The following DCLK2 variants were observed in gnomAD, a reference collection of about 807,000 sequenced individuals.
The protein encoded by DCLK2 is doublecortin like kinase 2.
Under a neutral mutation model 78.4 loss-of-function variants are expected in DCLK2, and 31 were observed. That is an observed-to-expected ratio of 0.40 (90% CI 0.30 to 0.53). The LOEUF (loss-of-function observed/expected upper bound fraction) is 0.53. DCLK2 is among the 20% of genes least tolerant of loss of function. The pLI is 0.61. For missense variants in DCLK2, 872 were observed against 973.7 expected, an observed-to-expected ratio of 0.90 and a Z score of 1.39; for synonymous variants, 407 against 374.9, an observed-to-expected ratio of 1.09 and a Z score of -0.99.
chr4:150,219,258 CT>C (rs375592229), intron 5 of DCLK2, among the ~76,000 whole-genome samples: 2,172 of 72,120 alleles, frequency 0.03, 22 homozygotes, highest in African/African-American at 0.055. Context: ...CACAAACATT[CT>C]TTTTTTTTTT....
chr4:150,117,383 A>G (rs1732171772), intron 2 of DCLK2, among the ~76,000 whole-genome samples: 1 of 152,156 alleles, frequency 6.6e-6, no homozygotes, highest in African/African-American at 2.4e-5. Context: ...CCTTGAGGAG[A>G]AGGAAACCAG....
intron 15 of DCLK2, among the ~76,000 whole-genome samples, chr4:150,254,196 GC>G (rs1189310290): frequency 2.6e-5 from 4 of 152,240 alleles, no homozygotes; most frequent in African/African-American, 9.6e-5. Flanking sequence ...CTCGGCGCCT[GC>G]GGTGCAGACT....
intron 2 of DCLK2, among the ~76,000 whole-genome samples, chr4:150,144,159 G>A (rs72730365): frequency 0.099 from 15,040 of 152,106 alleles, 1,283 homozygotes; most frequent in South Asian, 0.39. Flanking sequence ...TCAAGCCTAG[G>A]CCAATGTCCA....
intron 5 of DCLK2, among the ~76,000 whole-genome samples, chr4:150,214,943 CAG>C (rs1479046640): frequency 8.3e-6 from 1 of 120,748 alleles, no homozygotes; most frequent in East Asian, 2.4e-4. Flanking sequence ...CCCTGGGTGA[CAG>C]AGTGTCTCAA....
At chr4:150,117,524 A>T (rs755722507) in intron 2 of DCLK2, among the ~76,000 whole-genome samples, 1 of 152,094 alleles carries the variant, frequency 6.6e-6, no homozygotes, top group Non-Finnish European at 1.5e-5. Context: ...CCTTAAGATT[A>T]TATCGCAGAT....
intron 10 of DCLK2, among the ~76,000 whole-genome samples, chr4:150,234,902 A>G (rs1277560827): frequency 6.6e-6 from 1 of 152,178 alleles, no homozygotes; most frequent in African/African-American, 2.4e-5. Context: ...ACCTTGCAGC[A>G]TGCCAGGCTC....
chr4:150,175,860 C>G (rs963456501), intron 2 of DCLK2, among the ~76,000 whole-genome samples: 1 of 152,170 alleles, frequency 6.6e-6, no homozygotes, highest in Non-Finnish European at 1.5e-5. Flanking sequence ...CCTCTCTCCC[C>G]TCTCTGTACC....
chr4:150,220,327 TC>T (rs1444769616), intron 5 of DCLK2, among the ~76,000 whole-genome samples: 3 of 152,192 alleles, frequency 2.0e-5, no homozygotes, highest in African/African-American at 7.2e-5. Flanking sequence ...ATGATTAAAC[TC>T]CTAGGAGTCA....
At chr4:150,114,028 T>G (rs1731886586) in intron 2 of DCLK2, among the ~76,000 whole-genome samples, 1 of 152,224 alleles carries the variant, frequency 6.6e-6, no homozygotes, top group Non-Finnish European at 1.5e-5. Context: ...GAAGATTGTT[T>G]AATTTCTGTG....
chr4:150,087,514 A>G (rs1729731873), intron 1 of DCLK2, among the ~76,000 whole-genome samples: 1 of 152,210 alleles, frequency 6.6e-6, no homozygotes, highest in African/African-American at 2.4e-5. Flanking sequence ...AAGGCACGCA[A>G]ATTTATTTAA....
chr4:150,157,867 G>A (rs1000599575), intron 2 of DCLK2, among the ~76,000 whole-genome samples: 1 of 152,074 alleles, frequency 6.6e-6, no homozygotes, highest in Non-Finnish European at 1.5e-5. Flanking sequence ...GAGCTCAAGT[G>A]ATCTGCCTGC....
chr4:150,137,086 A>T (rs1233083320), intron 2 of DCLK2, among the ~76,000 whole-genome samples: 2 of 141,072 alleles, frequency 1.4e-5, no homozygotes, highest in African/African-American at 5.4e-5. Context: ...GGCTCAAGGG[A>T]TCCTCCCACC....
intron 15 of DCLK2, among the ~76,000 whole-genome samples, chr4:150,250,890 C>CA (rs1484888575): frequency 7.2e-5 from 5 of 69,894 alleles, no homozygotes; most frequent in Non-Finnish European, 1.4e-4. Flanking sequence ...ACTCCCCACA[C>CA]CCCCCACACC....
chr4:150,240,067 G>A (rs1742802791), intron 11 of DCLK2, among the ~76,000 whole-genome samples, 192 bp downstream of exon 11: 1 of 108,912 alleles, frequency 9.2e-6, no homozygotes, highest in South Asian at 3.8e-4. Flanking sequence ...TCCTGTGAAG[G>A]TGGAGAATGG....
At chr4:150,095,182 T>G (rs1730369845) in intron 1 of DCLK2, among the ~76,000 whole-genome samples, 1 of 152,218 alleles carries the variant, frequency 6.6e-6, no homozygotes, top group Non-Finnish European at 1.5e-5. Context: ...TCTTTGTGAC[T>G]ACTAGTCATG....
chr4:150,248,012 C>A (rs919848186), intron 13 of DCLK2, among the ~76,000 whole-genome samples: 3 of 152,174 alleles, frequency 2.0e-5, no homozygotes, highest in African/African-American at 7.2e-5. Flanking sequence ...GTGAAACACA[C>A]TGAATTGCCA....
In DCLK2 at chr4:150,251,271, C is replaced by T. The variant is rs111216152; in HGVS notation, c.2073+1587C>T. ...TCCCCCACACCCCACACATCCCCCA[C>T]ACCCCCCACACCACACATTCCCTCA... On this transcript the variant is annotated intron_variant, in intron 15 of 15. Coordinates refer to ENST00000296550, the MANE Select transcript of DCLK2 (RefSeq NM_001040260.4). Among the ~76,000 whole-genome samples, 2 of 5,604 alleles carry T rather than the reference C, an allele frequency of 3.6e-4. 1 individual carries two copies. The allele number at this position is 5,604 out of a possible 152,430, so 3.7% of individuals were successfully genotyped here. A position where few individuals can be genotyped will look rare whatever the true frequency, so the allele number is the denominator to read the frequency against.
chr4:150,148,862 G>A (rs140185002), intron 2 of DCLK2, among the ~76,000 whole-genome samples: 4 of 151,264 alleles, frequency 2.6e-5, no homozygotes, highest in African/African-American at 4.9e-5. Flanking sequence ...GTGAAACCCC[G>A]TTTCTACTAA....
chr4:150,104,394 TA>T (rs34276664), intron 2 of DCLK2, among the ~76,000 whole-genome samples: 37 of 29,744 alleles, frequency 1.2e-3, no homozygotes, highest in South Asian at 4.3e-3. Context: ...CCACATCTCC[TA>T]AAAAAAAAAA....
Sources: gnomAD v4.1 joint callset for allele counts (sites outside exome capture counted in the v4.1 genomes callset) on GRCh38, gnomAD v4.1.1 for gene constraint, MANE v1.5 for transcripts, NCBI Gene and HGNC (gene_info 2026-07-23, HGNC 2026-07-21) for gene names.